ZBTB7A: variants seen among roughly 807,000 people sequenced by gnomAD.
ZBTB7A encodes zinc finger and BTB domain containing 7A, also known as zinc finger and BTB domain-containing protein 7A.
Under a neutral mutation model 26.7 loss-of-function variants are expected in ZBTB7A, and 7 were observed. The observed-to-expected ratio is 0.26, with a 90% CI of 0.15 to 0.49. The LOEUF is 0.49. Ranked by LOEUF, ZBTB7A falls within the 20% of genes least tolerant of loss-of-function variation. The pLI is 0.98. For missense variants in ZBTB7A, 617 were observed against 919.5 expected (o/e 0.67, Z 4.25); for synonymous variants, 452 against 441.0 (o/e 1.02, Z -0.31).
In ZBTB7A at chr19:4,048,569, G is replaced by C. The variant is rs2040454708; in HGVS notation, c.1263-325C>G. Among the ~76,000 whole-genome samples, 4 of 152,166 alleles carry C rather than the reference G, an allele frequency of 2.6e-5. No individual in the cohort carries two copies. In the South Asian group the frequency reaches 8.3e-4, roughly 32 times the overall value. On this transcript the variant is annotated intron_variant, in intron 2 of 2. Coordinates refer to ENST00000322357, the MANE Select transcript of ZBTB7A (RefSeq NM_015898.4). The surrounding 1 kb of genome is among the most constrained non-coding windows in gnomAD (Gnocchi z 6.7). ...GTCTAGGCCAGGCGCGGAGGCTCAG[G>C]CCTGAAATCCCAGCACTTTGGGAGG...
At chr19:4,050,357 G>A (rs755073891) in intron 2 of ZBTB7A, among the ~76,000 whole-genome samples, 2 of 152,230 alleles carry the variant, frequency 1.3e-5, no homozygotes, top group African/African-American at 2.4e-5. Context: ...CACCGCGCCC[G>A]GCCGGTCTCT....
In ZBTB7A at chr19:4,049,194, A is replaced by G. The variant is rs1161787700; in HGVS notation, c.1263-950T>C. The stretch of plus-strand genomic sequence containing the variant: ...TATATATATATATATATATATATAT[A>G]TATATATATATATATGTAAGTTTGA... On this transcript the variant is annotated intron_variant, in intron 2 of 2. Transcript: ENST00000322357. 2.9e-4 allele frequency among the ~76,000 whole-genome samples: 10 copies of G among 34,524 alleles called. 3 individuals carry two copies. The highest frequency in any genetic ancestry group is 1.4e-3 in the Admixed American group (3 of 2,082). 22.6% of individuals were successfully genotyped at this position (34,524 alleles called of 152,430 possible).
chr19:4,050,690 A>C (rs2040493812), intron 2 of ZBTB7A, among the ~76,000 whole-genome samples: 1 of 152,210 alleles, frequency 6.6e-6, no homozygotes, highest in African/African-American at 2.4e-5. Context: ...AGGATCGTGC[A>C]CATTGACTAC....
In ZBTB7A at chr19:4,044,284, C is replaced by T. The variant is rs1382744764; in HGVS notation, c.*3468G>A. 1 of 151,910 alleles carries T rather than the reference C, an allele frequency of 6.6e-6. No individual in the cohort carries two copies. Among genetic ancestry groups the T allele is most frequent in the Non-Finnish European group, 1.5e-5 (1 of 68,014 alleles). The allele number at this position is 151,910 out of a possible 1,614,324, so 9.4% of individuals were successfully genotyped here. On this transcript the variant is annotated 3_prime_UTR_variant, in exon 3 of 3. Transcript: ENST00000322357. ...TTTGGTATCGCCCGCTCGAGCCTGCCTGGCTGCAGGTCCACACCCATGCCA... is the reference window on the plus strand; with the variant it reads ...TTTGGTATCGCCCGCTCGAGCCTGCTTGGCTGCAGGTCCACACCCATGCCA...
At chr19:4,049,810 G>A (rs2040478759) in intron 2 of ZBTB7A, among the ~76,000 whole-genome samples, 1 of 152,136 alleles carries the variant, frequency 6.6e-6, no homozygotes, top group Non-Finnish European at 1.5e-5. Context: ...TGCTGCTCCC[G>A]CAGTCCGGGG....
chr19:4,050,911 C>T (rs1024219791), intron 2 of ZBTB7A, among the ~76,000 whole-genome samples: 18 of 151,838 alleles, frequency 1.2e-4, no homozygotes, highest in African/African-American at 4.3e-4. Flanking sequence ...CCAGCCTGGC[C>T]AACGTGGTGA....
At position 4,044,546 on chromosome 19, in the gene ZBTB7A, G is replaced by A. The variant is rs1291307282; in HGVS notation, c.*3206C>T. The A allele has an allele frequency of 7.3e-5, 8 of 108,886 alleles. No homozygotes were observed. The highest frequency in any genetic ancestry group is 6.1e-4 in the South Asian group (2 of 3,282). 6.7% of individuals were successfully genotyped at this position (108,886 alleles called of 1,614,324 possible). On this transcript the variant is annotated 3_prime_UTR_variant, in exon 3 of 3. Coordinates refer to ENST00000322357, the MANE Select transcript of ZBTB7A (RefSeq NM_015898.4). ...CGGCCCGGCCACCTCCCCGGCCCCC[G>A]GGCGCCCCCGCCTGAAGCCCCCCAA...
In ZBTB7A at chr19:4,047,820, C is replaced by T. The variant is rs1246151235; in HGVS notation, c.1687G>A (p.Gly563Arg). 4 of 1,604,872 alleles carry T rather than the reference C, an allele frequency of 2.5e-6. No individual in the cohort carries two copies. Among genetic ancestry groups the T allele is most frequent in the Non-Finnish European group, 3.4e-6 (4 of 1,176,442 alleles). ...GGGCCACCTCCGCTGTCACCTCCTC[C>T]ACCGGCGCCCGCTACATTCAACCGG... ...LGRLNVAGAG[G>R]GGDSGGGPGA... The change falls in exon 3 of 3, where the codon GGA (glycine) becomes AGA (arginine). Residue 563 changes from glycine (G) to arginine (R), a missense_variant. Transcript: ENST00000322357.
chr19:4,047,546 A>T lies in ZBTB7A; in HGVS notation c.*206T>A. 2.1e-5 allele frequency: 8 copies of T among 376,190 alleles called. No homozygotes were observed. The highest frequency in any genetic ancestry group is 5.6e-5 in the East Asian group (1 of 17,714). 23.3% of individuals were successfully genotyped at this position (376,190 alleles called of 1,614,324 possible). A position where few individuals can be genotyped will look rare whatever the true frequency, so the allele number is the denominator to read the frequency against. ...CCGGGGCCCCTGCGGAGGGAGAAAAACGTCAGAAAGGAGGGAAATCTGAGA... is the reference window on the plus strand; with the variant it reads ...CCGGGGCCCCTGCGGAGGGAGAAAATCGTCAGAAAGGAGGGAAATCTGAGA... On this transcript the variant is annotated 3_prime_UTR_variant, in exon 3 of 3. Coordinates refer to ENST00000322357, the MANE Select transcript of ZBTB7A (RefSeq NM_015898.4).
rs929078464 is a variant in ZBTB7A at position 4,043,848 on chromosome 19, C to T, written c.*3904G>A. 7.0e-6 allele frequency among the ~76,000 whole-genome samples: 1 copy of T among 143,506 alleles called. No homozygotes were observed. Among genetic ancestry groups the T allele is most frequent in the Non-Finnish European group, 1.6e-5 (1 of 64,098 alleles). 94.1% of individuals were successfully genotyped at this position (143,506 alleles called of 152,430 possible). On this transcript the variant is annotated 3_prime_UTR_variant, in exon 3 of 3. Transcript: ENST00000322357. ...GTCCTGCGCCAGCCACCCACCACCC[C>T]CCCCCCCCCACCTCCAGGAAGGCTG...
chr19:4,053,760 G>C (rs1401625972), intron 2 of ZBTB7A, among the ~76,000 whole-genome samples: 1 of 151,768 alleles, frequency 6.6e-6, no homozygotes, highest in African/African-American at 2.4e-5. Context: ...GCGTATATAT[G>C]TGCAAGTGCG....
intron 1 of ZBTB7A, among the ~76,000 whole-genome samples, chr19:4,064,566 G>A (rs1450796967): frequency 1.3e-5 from 2 of 152,264 alleles, no homozygotes; most frequent in African/African-American, 4.8e-5. Context: ...CCAATAGGAA[G>A]TGATCGGCCG....
At chr19:4,062,999 C>A (rs911543368) in intron 1 of ZBTB7A, among the ~76,000 whole-genome samples, 2 of 148,282 alleles carry the variant, frequency 1.3e-5, no homozygotes, top group Non-Finnish European at 3.1e-5. Flanking sequence ...ACCATGCTCA[C>A]CCCCACCCAA....
At chr19:4,065,426 C>T (rs2040685039) in intron 1 of ZBTB7A, 1 of 145,736 alleles carries the variant, frequency 6.9e-6, no homozygotes, top group African/African-American at 2.5e-5. Context: ...CGGGGGGCTC[C>T]TACCTCCTTC....
At position 4,044,601 on chromosome 19, in the gene ZBTB7A, TGCACACAC is replaced by T. The variant is rs967801154; in HGVS notation, c.*3143_*3150del. 1.5e-4 allele frequency: 23 copies of T among 150,420 alleles called. No homozygotes were observed. The highest frequency in any genetic ancestry group is 6.6e-4 in the Admixed American group (10 of 15,172). 9.3% of individuals were successfully genotyped at this position (150,420 alleles called of 1,614,324 possible). A position where few individuals can be genotyped will look rare whatever the true frequency, so the allele number is the denominator to read the frequency against. ...AGCCTGGACCTCACTCCCGCTCTCT[TGCACACAC>T]GCACACACGCGTCCACGCAACTTCA... On this transcript the variant is annotated 3_prime_UTR_variant, in exon 3 of 3. Transcript: ENST00000322357.
intron 1 of ZBTB7A, among the ~76,000 whole-genome samples, chr19:4,059,141 C>T (rs1035654395): frequency 7.9e-5 from 12 of 152,202 alleles, no homozygotes; most frequent in African/African-American, 2.2e-4. Flanking sequence ...CAGACGGGCC[C>T]GGGCCCTCCT....
Position 4,047,669 on chromosome 19 carries a change from T to G in ZBTB7A, c.*83A>C. ...TATATAGATAGATTTTCTTTTTTTGTGTTTTTGGGGGGGTGGTGGGTGATT... is the reference window on the plus strand; with the variant it reads ...TATATAGATAGATTTTCTTTTTTTGGGTTTTTGGGGGGGTGGTGGGTGATT... On this transcript the variant is annotated 3_prime_UTR_variant, in exon 3 of 3. Coordinates refer to ENST00000322357, the MANE Select transcript of ZBTB7A (RefSeq NM_015898.4). 2.1e-6 allele frequency: 3 copies of G among 1,456,960 alleles called. No homozygotes were observed. The highest frequency in any genetic ancestry group is 2.8e-6 in the Non-Finnish European group (3 of 1,086,378). The allele number at this position is 1,456,960 out of a possible 1,614,324, so 90.3% of individuals were successfully genotyped here.
intron 2 of ZBTB7A, among the ~76,000 whole-genome samples, chr19:4,049,861 G>T (rs375320459): frequency 1.3e-5 from 2 of 152,080 alleles, no homozygotes; most frequent in East Asian, 3.9e-4. Flanking sequence ...GTCAAATTTG[G>T]GCTCAAATGT....
At position 4,045,878 on chromosome 19, in the gene ZBTB7A, T is replaced by C. The variant is rs2040410223; in HGVS notation, c.*1874A>G. On this transcript the variant is annotated 3_prime_UTR_variant, in exon 3 of 3. Coordinates refer to ENST00000322357, the MANE Select transcript of ZBTB7A (RefSeq NM_015898.4). The surrounding 1 kb of genome is among the most constrained non-coding windows in gnomAD (Gnocchi z 4.1). ...TCCCCCTGGATTACAGTCAGTGCCT[T>C]TGAGTAAAAAGAGGGGTGCCTGGGG... The C allele has an allele frequency of 5.0e-6, 2 of 398,086 alleles. No homozygotes were observed. The highest frequency in any genetic ancestry group is 1.3e-4 in the South Asian group (1 of 7,828). The allele number at this position is 398,086 out of a possible 1,614,324, so 24.7% of individuals were successfully genotyped here.
Sources: allele counts gnomAD v4.1 joint callset (sites outside exome capture counted in the v4.1 genomes callset), GRCh38; gene constraint gnomAD v4.1.1; non-coding constraint Gnocchi (gnomAD v3.1); transcripts MANE v1.5; gene names NCBI Gene and HGNC (gene_info 2026-07-23, HGNC 2026-07-21).